Variants in KIAA1549L observed in about 807,000 individuals in gnomAD.
KIAA1549L encodes the protein UPF0606 protein KIAA1549L.
In KIAA1549L, 88 loss-of-function variants were observed where a neutral mutation model predicts 160.7. That is an observed-to-expected ratio of 0.55 (90% CI 0.46 to 0.65). KIAA1549L has a LOEUF of 0.65. KIAA1549L is among the 30% of genes least tolerant of loss of function. The pLI is 0.00. For synonymous variants in KIAA1549L, 950 were observed against 976.7 expected (o/e 0.97, Z 0.51); for missense variants, 2,258 against 2,437.5 (o/e 0.93, Z 1.55).
chr11:33,488,735 G>C (rs1213241410), intron 1 of KIAA1549L, among the ~76,000 whole-genome samples: 1 of 152,186 alleles, frequency 6.6e-6, no homozygotes, highest in Non-Finnish European at 1.5e-5. Flanking sequence ...ATTACATTTA[G>C]AACAATAGCT....
chr11:33,395,050 T>TA (rs1413975717), intron 1 of KIAA1549L, among the ~76,000 whole-genome samples: 2 of 152,250 alleles, frequency 1.3e-5, no homozygotes, highest in African/African-American at 4.8e-5. Flanking sequence ...AGCCAGCTGT[T>TA]ACCTGACCCA....
intron 15 of KIAA1549L, among the ~76,000 whole-genome samples, chr11:33,614,727 C>T (rs1425937893): frequency 6.8e-6 from 1 of 146,978 alleles, no homozygotes; most frequent in East Asian, 2.0e-4. Context: ...ATTCTCCTGC[C>T]TCAGCTTCCC....
chr11:33,478,425 C>T (rs1050349145), intron 1 of KIAA1549L, among the ~76,000 whole-genome samples: 7 of 152,184 alleles, frequency 4.6e-5, no homozygotes, highest in African/African-American at 1.7e-4. Context: ...AGGAACAGAG[C>T]GAAAGAGGTT....
At chr11:33,403,360 C>CACAG (rs1565122003) in intron 1 of KIAA1549L, 1 of 58,530 alleles carries the variant, frequency 1.7e-5, no homozygotes, top group Non-Finnish European at 3.6e-5. Flanking sequence ...CAGACACACA[C>CACAG]AGACACATGC....
chr11:33,663,596 C>T (rs185392891), intron 20 of KIAA1549L, among the ~76,000 whole-genome samples: 82 of 152,280 alleles, frequency 5.4e-4, no homozygotes, highest in East Asian at 1.9e-4. Flanking sequence ...GACATTGGCT[C>T]TCTCAGCCAC....
chr11:33,443,535 C>T (rs1207437825), intron 1 of KIAA1549L, among the ~76,000 whole-genome samples: 7 of 152,038 alleles, frequency 4.6e-5, no homozygotes, highest in Admixed American at 4.6e-4. Flanking sequence ...GGTCCTAAAC[C>T]CAAATGAATG....
At chr11:33,490,957 A>G (rs1852644256) in intron 1 of KIAA1549L, among the ~76,000 whole-genome samples, 1 of 152,212 alleles carries the variant, frequency 6.6e-6, no homozygotes, top group Non-Finnish European at 1.5e-5. Flanking sequence ...CTTGTATGAC[A>G]AATAGAATCA....
intron 1 of KIAA1549L, among the ~76,000 whole-genome samples, chr11:33,536,749 A>G (rs1282203845): frequency 3.3e-5 from 5 of 152,212 alleles, no homozygotes; most frequent in Non-Finnish European, 5.9e-5. Context: ...TGGAACTCTG[A>G]GAATTGAAAG....
rs138903182 is a variant in KIAA1549L, at chr11:33,536,268, T to A, written c.239-5534T>A. ...TTTTGGGAATTCAGACAGGGCACAG[T>A]GCGGATGGCTTTTCCCTGCCTCATG... On this transcript the variant is annotated intron_variant, in intron 1 of 20. Coordinates refer to ENST00000658780, the MANE Select transcript of KIAA1549L (RefSeq NM_012194.3). 3.3e-3 allele frequency among the ~76,000 whole-genome samples: 504 copies of A among 152,370 alleles called. 1 individual carries two copies. The highest frequency in any genetic ancestry group is 0.011 in the African/African-American group (473 of 41,590).
chr11:33,445,294 A>G (rs891665820), intron 1 of KIAA1549L, among the ~76,000 whole-genome samples: 3 of 152,242 alleles, frequency 2.0e-5, no homozygotes, highest in Non-Finnish European at 4.4e-5. Context: ...AGTAGGTGGG[A>G]GAGAATCAGA....
chr11:33,489,717 C>T (rs74387056), intron 1 of KIAA1549L, among the ~76,000 whole-genome samples: 2,658 of 152,230 alleles, frequency 0.017, 77 homozygotes, highest in African/African-American at 0.061. Context: ...GGGCCAGACC[C>T]AGAAGTGGCA....
chr11:33,528,930 A>G (rs916302620), intron 1 of KIAA1549L, among the ~76,000 whole-genome samples: 8 of 152,238 alleles, frequency 5.3e-5, no homozygotes, highest in South Asian at 2.1e-4. Context: ...GAACTTTTCC[A>G]TACAACCAAA....
intron 17 of KIAA1549L, 72 bp downstream of exon 17, chr11:33,646,108 A>G (rs1851717553): frequency 3.4e-6 from 4 of 1,168,142 alleles, no homozygotes; most frequent in Middle Eastern, 2.9e-4. Context: ...GGAGACTCAG[A>G]GCAGGGGCTT....
chr11:33,395,864 G>A (rs1227456059), intron 1 of KIAA1549L, among the ~76,000 whole-genome samples: 1 of 151,930 alleles, frequency 6.6e-6, no homozygotes, highest in South Asian at 2.1e-4. Flanking sequence ...ACATCTTTTC[G>A]CCGTACTCAG....
chr11:33,562,385 G>A (rs187821041), intron 8 of KIAA1549L, among the ~76,000 whole-genome samples: 1 of 152,340 alleles, frequency 6.6e-6, no homozygotes, highest in Admixed American at 6.5e-5. Context: ...AGGAACAGGA[G>A]GAGAAGTATA....
intron 1 of KIAA1549L, among the ~76,000 whole-genome samples, chr11:33,394,166 A>G (rs1056836032): frequency 1.3e-5 from 2 of 152,126 alleles, no homozygotes; most frequent in Non-Finnish European, 2.9e-5. Flanking sequence ...TGAGCCCTGA[A>G]ATTTGAAAGC....
chr11:33,669,699 G>C lies in KIAA1549L; in HGVS notation c.*1545G>C, dbSNP rs1224994933. 1 of 152,260 alleles carries C rather than the reference G, an allele frequency of 6.6e-6. No individual in the cohort carries two copies. Among genetic ancestry groups the C allele is most frequent in the Non-Finnish European group, 1.5e-5 (1 of 68,046 alleles). The allele number at this position is 152,260 out of a possible 1,614,324, so 9.4% of individuals were successfully genotyped here. On this transcript the variant is annotated 3_prime_UTR_variant, in exon 21 of 21. Transcript: ENST00000658780. Reference sequence around the variant, plus strand: ...TTGAGAGAAGACTAGAAATGGAACTGATTAGAAGGGGAGGTTCAAACTGTC... The same window carrying C: ...TTGAGAGAAGACTAGAAATGGAACTCATTAGAAGGGGAGGTTCAAACTGTC...
At position 33,573,105 on chromosome 11, in the gene KIAA1549L, C is replaced by A. The variant is rs1406820707; in HGVS notation, c.4231-1597C>A. On this transcript the variant is annotated intron_variant, in intron 9 of 20. Coordinates refer to ENST00000658780, the MANE Select transcript of KIAA1549L (RefSeq NM_012194.3). ...TGAAGTGTCTGATCAGCTCTTTTGC[C>A]CATTTTCTATTGGGTTGTAATAATA... Among the ~76,000 whole-genome samples, 3 of 152,076 alleles carry A rather than the reference C, an allele frequency of 2.0e-5. No individual in the cohort carries two copies. The East Asian group carries it at 5.8e-4, about 29-fold the overall frequency.
chr11:33,539,106 G>T (rs1486108016), intron 1 of KIAA1549L, among the ~76,000 whole-genome samples: 1 of 152,024 alleles, frequency 6.6e-6, no homozygotes, highest in Non-Finnish European at 1.5e-5. Context: ...GCATCATTTG[G>T]TAATTCAGTG....
Sources: gnomAD v4.1 joint callset for allele counts (sites outside exome capture counted in the v4.1 genomes callset) on GRCh38, gnomAD v4.1.1 for gene constraint, MANE v1.5 for transcripts, NCBI Gene and HGNC (gene_info 2026-07-23, HGNC 2026-07-21) for gene names.